Variants in KMT2C observed in about 807,000 individuals in gnomAD.
KMT2C encodes lysine methyltransferase 2C, also known as histone-lysine N-methyltransferase 2C.
KMT2C carries 88 observed loss-of-function variants against 507.9 expected under a neutral mutation model. That is an observed-to-expected ratio of 0.17 (90% CI 0.15 to 0.21). The LOEUF is 0.21. Ranked by LOEUF, KMT2C falls within the 10% of genes least tolerant of loss-of-function variation. KMT2C has a pLI of 1.00. For synonymous variants in KMT2C, 2,049 were observed against 2,080.8 expected (o/e 0.98, Z 0.42); for missense variants, 4,954 against 5,957.8 (o/e 0.83, Z 5.55).
At chr7:152,267,754 C>T (rs943693428) in intron 7 of KMT2C, among the ~76,000 whole-genome samples, 1 of 151,626 alleles carries the variant, frequency 6.6e-6, no homozygotes, top group Admixed American at 6.6e-5. Flanking sequence ...TAAATTAAAA[C>T]TCCACCAATA....
At chr7:152,196,576 C>T (rs1158427641) in intron 27 of KMT2C, among the ~76,000 whole-genome samples, 1 of 152,172 alleles carries the variant, frequency 6.6e-6, no homozygotes, top group African/African-American at 2.4e-5. Flanking sequence ...ACGTATCAGG[C>T]ATTGCCCACT....
intron 1 of KMT2C, among the ~76,000 whole-genome samples, chr7:152,384,577 A>AC (rs2097405237): frequency 7.4e-6 from 1 of 134,662 alleles, no homozygotes; most frequent in Non-Finnish European, 1.6e-5. Flanking sequence ...CACCACCACC[A>AC]CCACCACCAC....
At chr7:152,253,824 A>AT (rs2095603167) in intron 9 of KMT2C, among the ~76,000 whole-genome samples, 20 of 152,256 alleles carry the variant, frequency 1.3e-4, no homozygotes, top group Admixed American at 1.3e-3. Flanking sequence ...TATCCTTACC[A>AT]AATTAGAATT....
intron 3 of KMT2C, among the ~76,000 whole-genome samples, chr7:152,315,788 AC>A (rs2096717466): frequency 1.3e-5 from 2 of 151,872 alleles, no homozygotes; most frequent in South Asian, 2.1e-4. Flanking sequence ...GTGGTGGCAC[AC>A]CCCTGTAATC....
intron 16 of KMT2C, among the ~76,000 whole-genome samples, chr7:152,235,207 G>GTATATATATATATA (rs71533554): frequency 5.0e-4 from 71 of 142,498 alleles, no homozygotes; most frequent in African/African-American, 1.8e-3. Flanking sequence ...TTTCAAGGGT[G>GTATATATATATATA]TATATATATA....
Position 152,148,780 on chromosome 7 carries a change from G to A in KMT2C, c.13147C>T (p.Leu4383=). The A allele has an allele frequency of 1.9e-6, 3 of 1,614,206 alleles. No homozygotes were observed. The highest frequency in any genetic ancestry group is 2.5e-6 in the Non-Finnish European group (3 of 1,180,042). The change falls in exon 52 of 59, where the codon CTA becomes TTA. Residue 4383 remains leucine, a synonymous_variant. Coordinates refer to ENST00000262189, the MANE Select transcript of KMT2C (RefSeq NM_170606.3). This position sits in a 1 kb window ranked among gnomAD's most constrained non-coding sequence, Gnocchi z 7.1. ...PPCEDEIDEF[L]KKLGTSLKPD... ...TTAAGGGAAGTGCCCAATTTCTTTA[G>A]AAATTCATCTATTTCATCCTCACAA... is the stretch of plus-strand genomic sequence containing the variant.
At chr7:152,184,770 T>A (rs1042371066) in intron 34 of KMT2C, among the ~76,000 whole-genome samples, 3 of 152,180 alleles carry the variant, frequency 2.0e-5, no homozygotes, top group Non-Finnish European at 4.4e-5. Flanking sequence ...TCCTGTATAC[T>A]TTCTCCCTTT....
intron 14 of KMT2C, among the ~76,000 whole-genome samples, chr7:152,240,901 T>C (rs2095370476): frequency 6.6e-6 from 1 of 152,196 alleles, no homozygotes; most frequent in African/African-American, 2.4e-5. Context: ...CGACCCTGCA[T>C]CTACTGAAGC....
Position 152,224,632 on chromosome 7 carries a change from C to T in KMT2C, c.2977-16G>A. 1 of 1,294,990 alleles carries T rather than the reference C, an allele frequency of 7.7e-7. No homozygotes were observed. The highest frequency in any genetic ancestry group is 1.1e-6 in the Non-Finnish European group (1 of 897,888). 80.2% of individuals were successfully genotyped at this position (1,294,990 alleles called of 1,614,324 possible). A position where few individuals can be genotyped will look rare whatever the true frequency, so the allele number is the denominator to read the frequency against. On this transcript the variant is annotated splice_polypyrimidine_tract_variant and intron_variant, in intron 18 of 58. Transcript: ENST00000262189. The stretch of plus-strand genomic sequence containing the variant: ...CTTTAGTGATCTGTAAAAGAAACAA[C>T]CAATCCATGTGATTTATGCATTAAC...
intron 37 of KMT2C, among the ~76,000 whole-genome samples, chr7:152,179,446 A>G (rs958684538): frequency 2.0e-5 from 3 of 152,212 alleles, no homozygotes; most frequent in Admixed American, 6.5e-5. Context: ...AGGTAATGCT[A>G]ACACAGTTAA....
Position 152,148,745 on chromosome 7 carries a change from A to G in KMT2C, c.13182T>C (p.Pro4394=), listed in dbSNP as rs1227138917. 3.1e-6 allele frequency: 5 copies of G among 1,614,240 alleles called. No homozygotes were observed. Among genetic ancestry groups the G allele is most frequent in the Non-Finnish European group, 4.2e-6 (5 of 1,180,036 alleles). ...KKLGTSLKPD[P]VPKDYRKCCF... is the part of the protein sequence containing the mutation. ...AACATTTCCGATAGTCTTTGGGCAC[A>G]GGATCAGGTTTAAGGGAAGTGCCCA... The change falls in exon 52 of 59, where the codon CCT becomes CCC. Residue 4394 remains proline, a synonymous_variant. Coordinates refer to ENST00000262189, the MANE Select transcript of KMT2C (RefSeq NM_170606.3). The surrounding 1 kb of genome is among the most constrained non-coding windows in gnomAD (Gnocchi z 7.1).
intron 26 of KMT2C, among the ~76,000 whole-genome samples, chr7:152,200,917 G>A (rs1366587706): frequency 6.6e-6 from 1 of 152,098 alleles, no homozygotes; most frequent in Non-Finnish European, 1.5e-5. Context: ...AAATGAAAAA[G>A]TCATCTCACT....
Position 152,163,534 on chromosome 7 carries a change from G to A in KMT2C, c.10043C>T (p.Pro3348Leu), listed in dbSNP as rs2129104545. Reference protein sequence around the residue: ...NSAPAHLPLNPPRIQPPIAQL... With the variant: ...NSAPAHLPLNLPRIQPPIAQL... The stretch of plus-strand genomic sequence containing the variant: ...GGCAATTGGGGGCTGAATTCTAGGA[G>A]GATTGAGGGGCAGGTGGGCAGGAGC... The change falls in exon 43 of 59, where the codon CCT becomes CTT. Residue 3348 changes from proline (P) to leucine (L), a missense_variant. By Grantham distance (98) the Pro-to-Leu change is moderately conservative. This residue lies in a region of KMT2C where 801 missense variants were observed against 751.2 expected (regional missense o/e 1.07). Coordinates refer to ENST00000262189, the MANE Select transcript of KMT2C (RefSeq NM_170606.3). 6.2e-7 allele frequency: 1 copy of A among 1,611,906 alleles called. No individual in the cohort carries two copies. The highest frequency in any genetic ancestry group is 8.5e-7 in the Non-Finnish European group (1 of 1,178,428).
At chr7:152,433,374 A>G (rs375198349) in intron 1 of KMT2C, among the ~76,000 whole-genome samples, 7 of 152,216 alleles carry the variant, frequency 4.6e-5, no homozygotes, top group African/African-American at 1.4e-4. Context: ...GTCCAACTAC[A>G]GGGTCTTTTC....
intron 4 of KMT2C, among the ~76,000 whole-genome samples, chr7:152,313,010 C>T (rs909409544): frequency 6.6e-6 from 1 of 152,022 alleles, no homozygotes; most frequent in African/African-American, 2.4e-5. Context: ...TAACATATTT[C>T]AATAAGTACA....
intron 7 of KMT2C, among the ~76,000 whole-genome samples, chr7:152,265,578 C>CTT (rs2095847549): frequency 6.6e-6 from 1 of 152,098 alleles, no homozygotes; most frequent in East Asian, 1.9e-4. Flanking sequence ...TTAAGAAATG[C>CTT]TTTGCAGTGT....
In KMT2C at chr7:152,205,113, T is replaced by A. The variant is rs1370704318; in HGVS notation, c.3954A>T (p.Arg1318Ser). 6.2e-7 allele frequency: 1 copy of A among 1,610,876 alleles called. No individual in the cohort carries two copies. Among genetic ancestry groups the A allele is most frequent in the Non-Finnish European group, 8.5e-7 (1 of 1,178,062 alleles). ...SGSISEQLPC[R>S]DDGWSEQLPD... is the part of the protein sequence containing the mutation. Reference sequence around the variant, plus strand: ...TTTAAGTCAGTACTATACCATCATCTCTGCAAGGTAACTGCTCGGAAATAG... The same window carrying A: ...TTTAAGTCAGTACTATACCATCATCACTGCAAGGTAACTGCTCGGAAATAG... Residue 1318 changes from arginine to serine, a missense_variant, in exon 25 of 59, where the codon AGA (arginine) becomes AGT (serine). Around this residue, in one of 29 missense-constraint regions of KMT2C, gnomAD observed 176 missense variants for 262.0 expected, o/e 0.67. Transcript: ENST00000262189.
rs905461991 is a variant in KMT2C at position 152,311,922 on chromosome 7, T to G, written c.615A>C (p.Ile205=). The G allele has an allele frequency of 2.0e-5, 32 of 1,605,342 alleles. No homozygotes were observed. Among genetic ancestry groups the G allele is most frequent in the Non-Finnish European group, 2.7e-5 (32 of 1,173,904 alleles). Residue 205 remains isoleucine, a synonymous_variant, in exon 5 of 59, where the codon ATA becomes ATC. Coordinates refer to ENST00000262189, the MANE Select transcript of KMT2C (RefSeq NM_170606.3). ...QRKERSPQQN[I]VSCVSVSTQT... is the part of the protein sequence containing the mutation. ...GGGTGCTTACACTTACACAAGATAC[T>G]ATATTCTGCTGAGGAGATCGTTCTC...
intron 1 of KMT2C, among the ~76,000 whole-genome samples, chr7:152,414,287 G>C (rs2097711835): frequency 6.6e-6 from 1 of 151,046 alleles, no homozygotes; most frequent in African/African-American, 2.4e-5. Flanking sequence ...CCAGCATTTT[G>C]GGAGGCCAAG....
Sources: gnomAD v4.1 joint callset for allele counts (sites outside exome capture counted in the v4.1 genomes callset) on GRCh38, gnomAD v4.1.1 for gene constraint, gnomAD v4.1.1 regional missense constraint, Gnocchi (gnomAD v3.1) non-coding constraint, MANE v1.5 for transcripts, NCBI Gene and HGNC (gene_info 2026-07-23, HGNC 2026-07-21) for gene names.